SEM1: variants seen among roughly 807,000 people sequenced by gnomAD.
SEM1 encodes the protein SEM1 26S proteasome subunit.
SEM1 carries 3 observed loss-of-function variants against 12.7 expected under a neutral mutation model. That is an observed-to-expected ratio of 0.24 (90% CI 0.11 to 0.61). The LOEUF (loss-of-function observed/expected upper bound fraction) is 0.61, where lower values mean the gene tolerates loss of function less well. Among genes scored for constraint, SEM1 ranks in the 20% least tolerant of loss-of-function variants. The pLI, the probability that SEM1 is intolerant of heterozygous loss-of-function variation, is 0.88. For synonymous variants in SEM1, 30 were observed against 27.8 expected (o/e 1.08, Z -0.25); for missense variants, 59 against 81.3 (o/e 0.73, Z 1.06).
At chr7:96,622,811 A>G in intron 2 of SEM1, 1 of 546,406 alleles carries the variant, frequency 1.8e-6, no homozygotes, top group African/African-American at 1.9e-5. Flanking sequence ...TGGCATTTTC[A>G]AAGGAAGCAG....
chr7:96,606,494 T>G (rs1007599124), intron 2 of SEM1, among the ~76,000 whole-genome samples: 3 of 152,108 alleles, frequency 2.0e-5, no homozygotes, highest in African/African-American at 7.2e-5. Flanking sequence ...ATGCCCACCT[T>G]TTTGGCAAGA....
chr7:96,578,097 G>T (rs1011399512), intron 2 of SEM1, among the ~76,000 whole-genome samples: 1 of 152,040 alleles, frequency 6.6e-6, no homozygotes, highest in Non-Finnish European at 1.5e-5. Flanking sequence ...GACTTTAACA[G>T]CTGATTGGAC....
At chr7:96,697,377 C>T (rs1288652492) in intron 1 of SEM1, 2 of 151,988 alleles carry the variant, frequency 1.3e-5, no homozygotes, top group African/African-American at 4.8e-5. Context: ...CATACTTCAC[C>T]TAAGTATCAC....
At chr7:96,560,228 A>G (rs534668067) in intron 2 of SEM1, among the ~76,000 whole-genome samples, 1 of 152,298 alleles carries the variant, frequency 6.6e-6, no homozygotes, top group East Asian at 1.9e-4. Flanking sequence ...AGGTATACAC[A>G]CTTTAACTTC....
intron 2 of SEM1, among the ~76,000 whole-genome samples, chr7:96,592,269 C>T (rs1221819614): frequency 6.6e-6 from 1 of 151,826 alleles, no homozygotes; most frequent in Admixed American, 6.6e-5. Flanking sequence ...CCCTCCTTAG[C>T]CTCGGGCTTC....
At chr7:96,581,613 T>A (rs1806411925) in intron 2 of SEM1, among the ~76,000 whole-genome samples, 1 of 152,196 alleles carries the variant, frequency 6.6e-6, no homozygotes, top group Non-Finnish European at 1.5e-5. Flanking sequence ...GCATGGAATG[T>A]TCTTCCATTT....
chr7:96,586,094 C>T (rs1246358758), intron 2 of SEM1, among the ~76,000 whole-genome samples: 1 of 152,186 alleles, frequency 6.6e-6, no homozygotes. Flanking sequence ...TCGCCTTGGC[C>T]TCCCAAAGTG....
At chr7:96,496,394 A>C (rs150891769), upstream of SEM1, 4 of 840,980 alleles carry the variant, frequency 4.8e-6, no homozygotes, top group Non-Finnish European at 3.7e-6. Flanking sequence ...TGTAAAGCCA[A>C]ACTTCACAAA....
intron 2 of SEM1, among the ~76,000 whole-genome samples, chr7:96,530,469 G>T (rs1008784496): frequency 2.0e-5 from 3 of 152,082 alleles, no homozygotes; most frequent in African/African-American, 7.2e-5. Flanking sequence ...GTTGTAAGAA[G>T]TCTGCCAGAG....
At position 96,557,738 on chromosome 7, in the gene SEM1, T is replaced by G. The variant is rs1045833069; in HGVS notation, c.171-51040A>C. Among the ~76,000 whole-genome samples, 10 of 150,358 alleles carry G rather than the reference T, an allele frequency of 6.7e-5. No individual in the cohort carries two copies. In the South Asian group the frequency reaches 1.5e-3, roughly 23 times the overall value. ...CTCCACCCAGTTGGAGCTTCCCGGC[T>G]GCTTTGTTTACCTAATCAAGCCTAG... On this transcript the variant is annotated intron_variant and NMD_transcript_variant, in intron 2 of 3. Coordinates refer to the SEM1 transcript ENST00000466986.
intron 2 of SEM1, among the ~76,000 whole-genome samples, chr7:96,560,402 CT>C (rs1206397439): frequency 6.6e-6 from 1 of 151,958 alleles, no homozygotes; most frequent in African/African-American, 2.4e-5. Context: ...ATGAGTTTTG[CT>C]TTTTTCATAA....
At chr7:96,530,402 A>G (rs1804603954) in intron 2 of SEM1, among the ~76,000 whole-genome samples, 2 of 152,110 alleles carry the variant, frequency 1.3e-5, no homozygotes, top group Admixed American at 6.6e-5. Context: ...TCTAGGGAAC[A>G]TGGGAACTGA....
intron 2 of SEM1, among the ~76,000 whole-genome samples, chr7:96,633,500 C>G (rs1397466226): frequency 6.6e-6 from 1 of 151,994 alleles, no homozygotes; most frequent in Non-Finnish European, 1.5e-5. Flanking sequence ...TATTTAATGT[C>G]CTATCAGATA....
intron 2 of SEM1, among the ~76,000 whole-genome samples, chr7:96,552,203 T>TA (rs1554414168): frequency 1.1e-4 from 16 of 150,988 alleles, no homozygotes; most frequent in South Asian, 4.2e-4. Context: ...CTCTTTTTTT[T>TA]ATTATACTTT....
intron 2 of SEM1, among the ~76,000 whole-genome samples, chr7:96,585,004 C>G (rs1323815765): frequency 1.3e-5 from 2 of 151,586 alleles, no homozygotes; most frequent in Non-Finnish European, 2.9e-5. Context: ...TGTTCCATTG[C>G]TGGTGAGGAA....
downstream of SEM1, among the ~76,000 whole-genome samples, chr7:96,683,769 C>T (rs13234055): frequency 0.34 from 51,956 of 151,940 alleles, 10,320 homozygotes; most frequent in East Asian, 0.67. Flanking sequence ...TCTCAGCAAA[C>T]TAACACAAGA....
intron 2 of SEM1, among the ~76,000 whole-genome samples, chr7:96,690,077 C>CA (rs1789882675): frequency 6.6e-6 from 1 of 151,604 alleles, no homozygotes; most frequent in Non-Finnish European, 1.5e-5. Context: ...ACAGAAAACT[C>CA]AAATGTTTCA....
At chr7:96,595,627 G>A (rs1341253182) in intron 2 of SEM1, among the ~76,000 whole-genome samples, 1 of 152,082 alleles carries the variant, frequency 6.6e-6, no homozygotes, top group African/African-American at 2.4e-5. Flanking sequence ...TAAAAGTCAT[G>A]TTATTCTTCT....
At chr7:96,666,036 A>G (rs146429025) in intron 2 of SEM1, among the ~76,000 whole-genome samples, 4 of 152,358 alleles carry the variant, frequency 2.6e-5, no homozygotes, top group African/African-American at 7.2e-5. Flanking sequence ...CAAGTGGGAA[A>G]AAAGCTGTCA....
Sources: gnomAD v4.1 joint callset for allele counts (sites outside exome capture counted in the v4.1 genomes callset) on GRCh38, gnomAD v4.1.1 for gene constraint, MANE v1.5 for transcripts, NCBI Gene and HGNC (gene_info 2026-07-23, HGNC 2026-07-21) for gene names.